VEZT: variants seen among roughly 807,000 people sequenced by gnomAD.
VEZT encodes vezatin, adherens junctions transmembrane protein, also known as vezatin.
VEZT carries 39 observed loss-of-function variants against 79.9 expected under a neutral mutation model. The ratio of observed to expected loss-of-function variants is 0.49; its 90% CI spans 0.38 to 0.64. VEZT has a LOEUF of 0.64. Among genes scored for constraint, VEZT ranks in the 30% least tolerant of loss-of-function variants. VEZT has a pLI of 0.00. For missense variants in VEZT, 837 were observed against 893.1 expected (o/e 0.94, Z 0.80); for synonymous variants, 325 against 327.6 (o/e 0.99, Z 0.09).
At chr12:95,268,652 G>A (rs976898981) in intron 5 of VEZT, among the ~76,000 whole-genome samples, 1 of 152,096 alleles carries the variant, frequency 6.6e-6, no homozygotes, top group Admixed American at 6.5e-5. Flanking sequence ...GAATTTGCAC[G>A]AAGAGGTAAA....
intron 3 of VEZT, among the ~76,000 whole-genome samples, chr12:95,258,666 A>G (rs775043962): frequency 2.4e-4 from 37 of 152,152 alleles, no homozygotes; most frequent in Non-Finnish European, 4.3e-4. Flanking sequence ...GTTCATTTTT[A>G]TAGTACTTTT....
chr12:95,284,043 C>G (rs2069890182), intron 8 of VEZT, among the ~76,000 whole-genome samples: 1 of 150,476 alleles, frequency 6.6e-6, no homozygotes, highest in Non-Finnish European at 1.5e-5. Flanking sequence ...GGGAAGATGG[C>G]TCAGGGAAGA....
chr12:95,256,517 T>G (rs2063512553), intron 2 of VEZT: 2 of 1,137,598 alleles, frequency 1.8e-6, no homozygotes, highest in Non-Finnish European at 2.3e-6. Flanking sequence ...AATAGTTACA[T>G]GTATTTATCT....
intron 1 of VEZT, among the ~76,000 whole-genome samples, chr12:95,233,659 C>T (rs1249829979): frequency 6.6e-6 from 1 of 152,192 alleles, no homozygotes; most frequent in Non-Finnish European, 1.5e-5. Flanking sequence ...ACCTCGGCCT[C>T]CCAAAGTGCT....
intron 1 of VEZT, among the ~76,000 whole-genome samples, chr12:95,235,207 G>T (rs1218247487): frequency 2.0e-5 from 3 of 151,758 alleles, no homozygotes; most frequent in Non-Finnish European, 4.4e-5. Context: ...CCGGGCAGAG[G>T]GGCTCCTCAC....
chr12:95,290,847 CACATATATATCT>C (rs1238660509), intron 9 of VEZT: 3 of 151,812 alleles, frequency 2.0e-5, no homozygotes, highest in Non-Finnish European at 4.4e-5. Context: ...CATATATATA[CACATATATATCT>C]ACATATATAT....
At chr12:95,217,992 C>T in intron 1 of VEZT, 106 bp downstream of exon 1, 1 of 1,233,108 alleles carries the variant, frequency 8.1e-7, no homozygotes, top group South Asian at 1.8e-5. Flanking sequence ...GTGACGCGCT[C>T]CAGCTGGCCT....
rs774043843 is a variant in VEZT at position 95,300,449 on chromosome 12, G to T, written c.2116G>T (p.Gly706Cys). 2.2e-5 allele frequency: 35 copies of T among 1,613,792 alleles called. No individual in the cohort carries two copies. Among genetic ancestry groups the T allele is most frequent in the Middle Eastern group, 3.3e-4 (2 of 6,084 alleles). The change falls in exon 12 of 12, where the codon GGT (glycine) becomes TGT (cysteine). Residue 706 changes from glycine (G) to cysteine (C), a missense_variant. Coordinates refer to ENST00000436874, the MANE Select transcript of VEZT (RefSeq NM_017599.4). ...SEDEPQADGS[G>C]LTTAPPTPRD... ...AGATGAACCACAAGCAGATGGAAGT[G>T]GTCTGACCACTGCCCCTCCAACTCC...
rs747844957 is a variant in VEZT at position 95,287,702 on chromosome 12, G to A, written c.1367G>A (p.Cys456Tyr). Residue 456 changes from cysteine to tyrosine, a missense_variant, in exon 9 of 12, where the codon TGT (cysteine) becomes TAT (tyrosine). By Grantham distance (194) the Cys-to-Tyr change is radical. Coordinates refer to ENST00000436874, the MANE Select transcript of VEZT (RefSeq NM_017599.4). ...GAAGATGAACTTGAAAAGCTTGTTT[G>A]TACTAAAGAAACACAAGAACTAGTG... ...ILEDELEKLV[C>Y]TKETQELVSE... 1 of 1,589,156 alleles carries A rather than the reference G, an allele frequency of 6.3e-7. No individual in the cohort carries two copies. The highest frequency in any genetic ancestry group is 1.8e-5 in the Admixed American group (1 of 56,846).
intron 1 of VEZT, among the ~76,000 whole-genome samples, chr12:95,236,399 A>G (rs1244040261): frequency 1.3e-5 from 2 of 152,158 alleles, no homozygotes; most frequent in Non-Finnish European, 2.9e-5. Context: ...GCTCGGCATC[A>G]GAGGGAGACC....
At chr12:95,283,942 C>T (rs2069857945) in intron 8 of VEZT, among the ~76,000 whole-genome samples, 1 of 152,190 alleles carries the variant, frequency 6.6e-6, no homozygotes, top group South Asian at 2.1e-4. Context: ...TTTCAGTGGA[C>T]AGGTTGTAGG....
chr12:95,292,084 G>A (rs1218513334), intron 9 of VEZT, among the ~76,000 whole-genome samples: 1 of 152,198 alleles, frequency 6.6e-6, no homozygotes, highest in East Asian at 1.9e-4. Context: ...ACAGGCTTGA[G>A]CCACCACATC....
At chr12:95,231,005 T>C (rs568515633) in intron 1 of VEZT, among the ~76,000 whole-genome samples, 1 of 152,050 alleles carries the variant, frequency 6.6e-6, no homozygotes, top group South Asian at 2.1e-4. Flanking sequence ...GTTTGATTTT[T>C]ATTTAGATTT....
chr12:95,287,860 AC>A lies in VEZT; in HGVS notation c.1522+5del. On this transcript the variant is annotated splice_donor_region_variant and intron_variant, in intron 9 of 11. Transcript: ENST00000436874. The stretch of plus-strand genomic sequence containing the variant: ...ACGAAGAAATACAGATAAAAAAGGT[AC>A]CTGTGAGAGATTTCTTTGCCATATG... 6.3e-7 allele frequency: 1 copy of A among 1,581,160 alleles called. No individual in the cohort carries two copies. Among genetic ancestry groups the A allele is most frequent in the Non-Finnish European group, 8.6e-7 (1 of 1,163,128 alleles).
At chr12:95,299,026 C>T (rs1282214622) in intron 11 of VEZT, 1 of 154,712 alleles carries the variant, frequency 6.5e-6, no homozygotes, top group Non-Finnish European at 1.5e-5. Context: ...GCTGCTGATA[C>T]CATAGAATGC....
At chr12:95,242,057 GCA>G (rs2061091308) in intron 1 of VEZT, 1 of 152,186 alleles carries the variant, frequency 6.6e-6, no homozygotes, top group African/African-American at 2.4e-5. Flanking sequence ...ACAAAAAATA[GCA>G]CATGTACAAG....
At position 95,248,613 on chromosome 12, in the gene VEZT, T is replaced by C. The variant is rs1282967059; in HGVS notation, c.37-3327T>C. On this transcript the variant is annotated intron_variant, in intron 1 of 11. Coordinates refer to ENST00000436874, the MANE Select transcript of VEZT (RefSeq NM_017599.4). Reference sequence around the variant, plus strand: ...GGGCATTATAATCTCAATAAAAAGTTTGTACTCATCTTGACTCTCTAAGTC... The same window carrying C: ...GGGCATTATAATCTCAATAAAAAGTCTGTACTCATCTTGACTCTCTAAGTC... Among the ~76,000 whole-genome samples, 7 of 152,036 alleles carry C rather than the reference T, an allele frequency of 4.6e-5. No individual in the cohort carries two copies. In the East Asian group the frequency reaches 1.2e-3, roughly 25 times the overall value.
rs181824104 is a variant in VEZT, at chr12:95,236,512, C to T, written c.37-15428C>T. 1.5e-4 allele frequency among the ~76,000 whole-genome samples: 23 copies of T among 151,782 alleles called. No individual in the cohort carries two copies. In the East Asian group the frequency reaches 4.1e-3, roughly 27 times the overall value. ...TAGAGTACCATTGTTTCTGTAGTCC[C>T]CAAGAATCTTTGCAGCCAGTTTCTA... is the stretch of plus-strand genomic sequence containing the variant. On this transcript the variant is annotated intron_variant, in intron 1 of 11. Transcript: ENST00000436874.
intron 1 of VEZT, among the ~76,000 whole-genome samples, chr12:95,220,827 T>A (rs942519071): frequency 4.6e-5 from 7 of 152,242 alleles, no homozygotes; most frequent in Admixed American, 3.3e-4. Flanking sequence ...ATGTGTTTGG[T>A]TAAACATATT....
Sources: allele counts gnomAD v4.1 joint callset (sites outside exome capture counted in the v4.1 genomes callset), GRCh38; gene constraint gnomAD v4.1.1; transcripts MANE v1.5; gene names NCBI Gene and HGNC (gene_info 2026-07-23, HGNC 2026-07-21).